The following DST variants were observed in gnomAD, a reference collection of about 807,000 sequenced individuals.
DST encodes the protein bullous pemphigoid antigen.
A neutral mutation model predicts 875.2 loss-of-function variants in DST; 253 were observed. That is an observed-to-expected ratio of 0.29 (90% CI 0.26 to 0.32). DST has a LOEUF of 0.32. Among genes scored for constraint, DST ranks in the 10% least tolerant of loss-of-function variants. The pLI is 1.00. For synonymous variants in DST, 3,124 were observed against 3,197.1 expected, an observed-to-expected ratio of 0.98 and a Z score of 0.77; for missense variants, 8,287 against 9,111.6, an observed-to-expected ratio of 0.91 and a Z score of 3.68.
rs1327854627 is a variant in DST at position 56,634,600 on chromosome 6, T to C, written c.3356A>G (p.Asp1119Gly). ...YRQIEITIYKDDECVLANNSH... is the reference protein window; with the variant it reads ...YRQIEITIYKGDECVLANNSH... ...GTTATTCGCCAAAACACATTCATCG[T>C]CTTTGTAAATGGTTATCTGGTTTAA... Residue 1119 changes from aspartate (D) to glycine (G), a missense_variant, in exon 26 of 104, where the codon GAC becomes GGC. Asp to Gly is a moderately conservative substitution (Grantham distance 94). Around this residue, in one of 10 missense-constraint regions of DST, gnomAD observed 1,160 missense variants for 1,424.3 expected, o/e 0.81. Coordinates refer to ENST00000680361, the MANE Select transcript of DST (RefSeq NM_001374736.1). 3.1e-6 allele frequency: 5 copies of C among 1,614,190 alleles called. No individual in the cohort carries two copies. The highest frequency in any genetic ancestry group is 1.7e-5 in the Admixed American group (1 of 60,018).
At chr6:56,617,196 C>G in intron 36 of DST, 1 of 1,597,422 alleles carries the variant, frequency 6.3e-7, no homozygotes, top group Non-Finnish European at 8.5e-7. Flanking sequence ...TGCCTAAGCC[C>G]TTGGAATTTA....
chr6:56,761,802 A>T (rs1345819536), intron 4 of DST, among the ~76,000 whole-genome samples: 1 of 152,230 alleles, frequency 6.6e-6, no homozygotes, highest in Non-Finnish European at 1.5e-5. Flanking sequence ...TGATACTTCA[A>T]GTCAAAAAAG....
At chr6:56,571,807 G>A (rs2152609724) in intron 53 of DST, among the ~76,000 whole-genome samples, 1 of 152,256 alleles carries the variant, frequency 6.6e-6, no homozygotes, top group East Asian at 1.9e-4. Flanking sequence ...AGGCTTCAGA[G>A]ACTACAGCAA....
At chr6:56,782,841 G>C (rs1376076436) in intron 4 of DST, among the ~76,000 whole-genome samples, 5 of 152,048 alleles carry the variant, frequency 3.3e-5, no homozygotes, top group African/African-American at 7.2e-5. Context: ...GATCTTTCCT[G>C]CTTTCTCTTG....
At chr6:56,760,371 C>G (rs1304217869) in intron 4 of DST, among the ~76,000 whole-genome samples, 1 of 152,120 alleles carries the variant, frequency 6.6e-6, no homozygotes, top group Non-Finnish European at 1.5e-5. Flanking sequence ...TCTCTTAATA[C>G]TACTTTATTT....
rs201028541 is a variant in DST at position 56,508,771 on chromosome 6, A to G, written c.19013-16T>C. 25 of 1,596,056 alleles carry G rather than the reference A, an allele frequency of 1.6e-5. No individual in the cohort carries two copies. Among genetic ancestry groups the G allele is most frequent in the Non-Finnish European group, 5.1e-6 (6 of 1,166,950 alleles). Reference sequence around the variant, plus strand: ...TCCTGAACAGCTATGAAGCAAAACAATATCCACAAGGCGACTGGTTAGCCC... The same window carrying G: ...TCCTGAACAGCTATGAAGCAAAACAGTATCCACAAGGCGACTGGTTAGCCC... On this transcript the variant is annotated splice_polypyrimidine_tract_variant and intron_variant, in intron 74 of 103. Transcript: ENST00000680361.
chr6:56,508,953 G>A (rs555657572), intron 74 of DST, among the ~76,000 whole-genome samples, 198 bp from the exon 75 acceptor site: 10 of 152,296 alleles, frequency 6.6e-5, no homozygotes, highest in Non-Finnish European at 1.3e-4. Context: ...CTCTGGGTCT[G>A]CTATTCTTGC....
intron 75 of DST, among the ~76,000 whole-genome samples, chr6:56,508,167 GGT>G (rs1318162741): frequency 2.0e-5 from 3 of 151,974 alleles, no homozygotes; most frequent in African/African-American, 4.8e-5. Context: ...CGAACTAGCT[GGT>G]ACTACAGGTG....
At chr6:56,640,940 A>C (rs1477634813) in intron 17 of DST, among the ~76,000 whole-genome samples, 1 of 152,164 alleles carries the variant, frequency 6.6e-6, no homozygotes, top group Non-Finnish European at 1.5e-5. Flanking sequence ...GAGGACTTTC[A>C]ATCTTATTTG....
intron 87 of DST, among the ~76,000 whole-genome samples, chr6:56,486,089 C>T (rs112048765): frequency 0.042 from 6,354 of 152,182 alleles, 168 homozygotes; most frequent in East Asian, 0.076. Context: ...AAGGGCCAGG[C>T]GCAGTGGCTC....
At chr6:56,822,859 G>C (rs896003352) in intron 4 of DST, among the ~76,000 whole-genome samples, 25 of 150,466 alleles carry the variant, frequency 1.7e-4, no homozygotes, top group African/African-American at 6.1e-4. Context: ...AAGGAGTCTC[G>C]TTCTGTCACC....
At chr6:56,741,965 C>T (rs924908771) in intron 4 of DST, among the ~76,000 whole-genome samples, 7 of 151,932 alleles carry the variant, frequency 4.6e-5, no homozygotes, top group Non-Finnish European at 1.0e-4. Context: ...CAAATAAATG[C>T]AAAAAGAGTA....
chr6:56,553,060 T>C lies in DST; in HGVS notation c.15732A>G (p.Thr5244=), dbSNP rs1490488956. The part of the protein sequence containing the change: ...SVCEIDKEVV[T]DENKSLIQKV... ...TCTGGATCAGTGACTTATTCTCATCTGTAACAACTTCTTTATCTATCTCAC... is the reference window on the plus strand; with the variant it reads ...TCTGGATCAGTGACTTATTCTCATCCGTAACAACTTCTTTATCTATCTCAC... Residue 5244 remains threonine, a synonymous_variant, in exon 61 of 104, where the codon ACA becomes ACG. Transcript: ENST00000680361. The C allele has an allele frequency of 6.2e-7, 1 of 1,613,942 alleles. No individual in the cohort carries two copies. Among genetic ancestry groups the C allele is most frequent in the Middle Eastern group, 1.6e-4 (1 of 6,062 alleles).
At chr6:56,797,772 T>G (rs1350470900) in intron 4 of DST, among the ~76,000 whole-genome samples, 2 of 143,048 alleles carry the variant, frequency 1.4e-5, no homozygotes, top group Non-Finnish European at 3.0e-5. Context: ...GAACCGAGAT[T>G]GCGCCATTGC....
intron 4 of DST, among the ~76,000 whole-genome samples, chr6:56,777,244 C>T (rs2099680966): frequency 6.6e-6 from 1 of 152,014 alleles, no homozygotes; most frequent in African/African-American, 2.4e-5. Flanking sequence ...AACTCTGAAT[C>T]AACTGAGAAG....
chr6:56,666,330 T>C (rs954350345), intron 10 of DST, among the ~76,000 whole-genome samples: 5 of 152,210 alleles, frequency 3.3e-5, no homozygotes, highest in Admixed American at 2.6e-4. Flanking sequence ...GCTATTGCTC[T>C]GTTCCTATTT....
In DST at chr6:56,584,309, G is replaced by A. The variant is rs543939864; in HGVS notation, c.12904-5372C>T. Reference sequence around the variant, plus strand: ...ATTTCTCCTTGAAGAGGTCCTTCACGTCCCTTGTAAGTTGGATTCCTAAGT... The same window carrying A: ...ATTTCTCCTTGAAGAGGTCCTTCACATCCCTTGTAAGTTGGATTCCTAAGT... On this transcript the variant is annotated intron_variant, in intron 49 of 103. Transcript: ENST00000680361. Among the ~76,000 whole-genome samples the A allele has an allele frequency of 5.9e-3, 893 of 151,840 alleles. 9 individuals are homozygous for A. The highest frequency in any genetic ancestry group is 0.021 in the African/African-American group (862 of 41,358).
chr6:56,949,004 A>C (rs1404936154), intron 2 of DST, among the ~76,000 whole-genome samples: 1 of 152,208 alleles, frequency 6.6e-6, no homozygotes, highest in African/African-American at 2.4e-5. Context: ...TGACACAGTT[A>C]GTTTGTGGCA....
intron 86 of DST, among the ~76,000 whole-genome samples, chr6:56,489,179 A>C (rs2095659966): frequency 6.6e-6 from 1 of 152,214 alleles, no homozygotes; most frequent in African/African-American, 2.4e-5. Flanking sequence ...TATCATGAAA[A>C]ACTGAAATGC....
Sources: gnomAD v4.1 joint callset for allele counts (sites outside exome capture counted in the v4.1 genomes callset) on GRCh38, gnomAD v4.1.1 for gene constraint, gnomAD v4.1.1 regional missense constraint, MANE v1.5 for transcripts, NCBI Gene and HGNC (gene_info 2026-07-23, HGNC 2026-07-21) for gene names.